The following PPEF2 variants were observed in gnomAD, a reference collection of about 807,000 sequenced individuals.
The protein encoded by PPEF2 is serine/threonine-protein phosphatase with EF-hands 2.
PPEF2 carries 84 observed loss-of-function variants against 84.7 expected under a neutral mutation model. That is an observed-to-expected ratio of 0.99 (90% CI 0.83 to 1.19). The LOEUF is 1.19. PPEF2 is among the 50% of genes most tolerant of loss of function. The pLI, the probability that PPEF2 is intolerant of heterozygous loss-of-function variation, is 0.00. For synonymous variants in PPEF2, 346 were observed against 345.2 expected (o/e 1.00, Z -0.03); for missense variants, 924 against 937.5 (o/e 0.99, Z 0.19).
chr4:75,896,922 C>T (rs936881644), intron 1 of PPEF2, among the ~76,000 whole-genome samples: 3 of 152,084 alleles, frequency 2.0e-5, no homozygotes, highest in Admixed American at 6.6e-5. Context: ...TTCTCTGTCA[C>T]CCAGGCTGGA....
intron 5 of PPEF2, 72 bp downstream of exon 5, chr4:75,889,885 T>A: frequency 6.6e-7 from 1 of 1,520,426 alleles, no homozygotes; most frequent in Non-Finnish European, 9.1e-7. Flanking sequence ...CCATTCTTTC[T>A]GTGCTGGGTT....
rs937403366 is a variant in PPEF2, at chr4:75,879,087, T to C, written c.934-2414A>G. ...TTCCCCATCTTATGTTTCCAGTGAT[T>C]TTTAACATCCACTGTAGACTGATGT... is the stretch of plus-strand genomic sequence containing the variant. On this transcript the variant is annotated intron_variant, in intron 10 of 16. Coordinates refer to ENST00000286719, the MANE Select transcript of PPEF2 (RefSeq NM_006239.3). 3.9e-5 allele frequency among the ~76,000 whole-genome samples: 6 copies of C among 152,272 alleles called. No individual in the cohort carries two copies. In the East Asian group the frequency reaches 5.8e-4, roughly 15 times the overall value.
intron 9 of PPEF2, 23 bp downstream of exon 9, chr4:75,883,143 T>C (rs1394844798): frequency 6.2e-7 from 1 of 1,613,844 alleles, no homozygotes; most frequent in Admixed American, 1.7e-5. Flanking sequence ...TGAGAGAAAC[T>C]TTTGTCTTTA....
intron 1 of PPEF2, among the ~76,000 whole-genome samples, chr4:75,900,990 C>T (rs959936151): frequency 5.3e-5 from 8 of 152,138 alleles, no homozygotes; most frequent in African/African-American, 1.9e-4. Flanking sequence ...ATACACCAAG[C>T]TATTAACAGT....
chr4:75,866,579 T>C (rs1276093494), intron 14 of PPEF2: 4 of 586,968 alleles, frequency 6.8e-6, no homozygotes, highest in African/African-American at 1.9e-5. Context: ...CAGTAAAGTA[T>C]ATAAAAGTGC....
chr4:75,884,589 T>C lies in PPEF2; in HGVS notation c.746+5A>G. 3.2e-6 allele frequency: 5 copies of C among 1,585,452 alleles called. No homozygotes were observed. Among genetic ancestry groups the C allele is most frequent in the Non-Finnish European group, 4.3e-6 (5 of 1,169,860 alleles). The stretch of plus-strand genomic sequence containing the variant: ...TCAAATACTCAAGCATGTTTTGACT[T>C]GTACCGTAAGTTCACCATATGGTCC... On this transcript the variant is annotated splice_donor_5th_base_variant and intron_variant, in intron 8 of 16. Transcript: ENST00000286719.
At chr4:75,870,749 T>C (rs1724248703) in intron 13 of PPEF2, among the ~76,000 whole-genome samples, 1 of 152,150 alleles carries the variant, frequency 6.6e-6, no homozygotes, top group Non-Finnish European at 1.5e-5. Context: ...AATAATCTCT[T>C]CTACAAAACT....
intron 7 of PPEF2, among the ~76,000 whole-genome samples, chr4:75,886,389 G>T (rs555677365): frequency 3.9e-5 from 6 of 152,294 alleles, no homozygotes; most frequent in African/African-American, 1.4e-4. Context: ...GGCCGGAAAG[G>T]CGGCCGCCCC....
At chr4:75,891,788 AGCACCCGAGCCCTGCT>A in intron 3 of PPEF2, 47 bp downstream of exon 3, 1 of 1,596,918 alleles carries the variant, frequency 6.3e-7, no homozygotes, top group Non-Finnish European at 8.6e-7. Flanking sequence ...TCACTTTAGG[AGCACCCGAGCCCTGCT>A]GCCCAAGGGA....
At chr4:75,890,243 T>G in intron 4 of PPEF2, 111 bp from the exon 5 acceptor site, 1 of 1,222,988 alleles carries the variant, frequency 8.2e-7, no homozygotes, top group East Asian at 2.4e-5. Flanking sequence ...CCCAGAAATT[T>G]GCGGGGCCAA....
chr4:75,877,762 A>G, intron 10 of PPEF2, among the ~76,000 whole-genome samples: 1 of 151,966 alleles, frequency 6.6e-6, no homozygotes, highest in Non-Finnish European at 1.5e-5. Context: ...GTTGTTTTAC[A>G]TATTATTTCA....
At chr4:75,885,518 T>C (rs1190955045) in intron 7 of PPEF2, among the ~76,000 whole-genome samples, 1 of 152,166 alleles carries the variant, frequency 6.6e-6, no homozygotes, top group Non-Finnish European at 1.5e-5. Context: ...TATAATGCAA[T>C]GCTGACTTTT....
intron 13 of PPEF2, among the ~76,000 whole-genome samples, chr4:75,871,429 T>C (rs962936615): frequency 6.6e-6 from 1 of 152,150 alleles, no homozygotes; most frequent in African/African-American, 2.4e-5. Context: ...AAGCAGACTT[T>C]ACCCAAGACG....
rs367897162 is a variant in PPEF2 at position 75,874,062 on chromosome 4, C to G, written c.1321-750G>C. 1.9e-4 allele frequency among the ~76,000 whole-genome samples: 29 copies of G among 151,776 alleles called. No homozygotes were observed. In the East Asian group the frequency reaches 4.5e-3, roughly 24 times the overall value. Reference sequence around the variant, plus strand: ...GAGGGAAGTTGCAGTGAGCAGAGATCGTGCCACTGCACTCCAGCCTGGGTG... The same window carrying G: ...GAGGGAAGTTGCAGTGAGCAGAGATGGTGCCACTGCACTCCAGCCTGGGTG... On this transcript the variant is annotated intron_variant, in intron 11 of 16. Coordinates refer to ENST00000286719, the MANE Select transcript of PPEF2 (RefSeq NM_006239.3).
Position 75,873,314 on chromosome 4 carries a change from T to A in PPEF2, c.1321-2A>T. The A allele has an allele frequency of 6.2e-7, 1 of 1,603,714 alleles. No homozygotes were observed. Among genetic ancestry groups the A allele is most frequent in the Non-Finnish European group, 8.5e-7 (1 of 1,175,298 alleles). On this transcript the variant is annotated splice_acceptor_variant, in intron 11 of 16. Coordinates refer to ENST00000286719, the MANE Select transcript of PPEF2 (RefSeq NM_006239.3). LOFTEE classifies it high-confidence loss of function. The stretch of plus-strand genomic sequence containing the variant: ...ATCACTCCACAGGATATCTACAACC[T>A]GAGAAGACCAAGAGATGATTTCCTT...
intron 7 of PPEF2, among the ~76,000 whole-genome samples, chr4:75,886,177 T>C (rs1260499153): frequency 6.6e-6 from 1 of 152,202 alleles, no homozygotes; most frequent in East Asian, 1.9e-4. Flanking sequence ...GGATTTTGAC[T>C]GAATGCCTCT....
At chr4:75,890,226 C>T in intron 4 of PPEF2, 94 bp from the exon 5 acceptor site, 1 of 1,397,460 alleles carries the variant, frequency 7.2e-7, no homozygotes, top group South Asian at 1.3e-5. Flanking sequence ...CACGGTGGCT[C>T]TCTAATCCCA....
intron 15 of PPEF2, 26 bp from the exon 16 acceptor site, chr4:75,864,553 C>A: frequency 6.5e-7 from 1 of 1,535,018 alleles, no homozygotes. Flanking sequence ...CATTTTCCTT[C>A]TTTGTCATAC....
chr4:75,899,543 C>T (rs1041493013), intron 1 of PPEF2, among the ~76,000 whole-genome samples: 2 of 152,188 alleles, frequency 1.3e-5, no homozygotes, highest in African/African-American at 2.4e-5. Context: ...ACCCCACTCT[C>T]CTCCGCTATT....
Sources: allele counts gnomAD v4.1 joint callset (sites outside exome capture counted in the v4.1 genomes callset), GRCh38; gene constraint gnomAD v4.1.1; transcripts MANE v1.5; gene names NCBI Gene and HGNC (gene_info 2026-07-23, HGNC 2026-07-21).